Variants in DPCD observed in about 807,000 individuals in gnomAD.
The protein encoded by DPCD is deleted in primary ciliary dyskinesia homolog (mouse).
Under a neutral mutation model 26.4 loss-of-function variants are expected in DPCD, and 20 were observed. That is an observed-to-expected ratio of 0.76 (90% CI 0.53 to 1.10). The LOEUF is 1.10. Ranked by LOEUF, DPCD falls within the 50% of genes least tolerant of loss-of-function variation. The pLI, the probability that DPCD is intolerant of heterozygous loss-of-function variation, is 0.00. For synonymous variants in DPCD, 97 were observed against 94.2 expected (o/e 1.03, Z -0.17); for missense variants, 202 against 253.9 (o/e 0.80, Z 1.39).
chr10:101,592,199 C>A (rs963037128), intron 1 of DPCD, among the ~76,000 whole-genome samples: 3 of 152,026 alleles, frequency 2.0e-5, no homozygotes, highest in African/African-American at 7.3e-5. Flanking sequence ...GCAGTAACCA[C>A]AAAGAAAGAA....
rs1009333775 is a variant in DPCD, at chr10:101,609,524, G to T, written c.*53G>T. ...ACAGGGGGTGCCGTGAGACTTCAAG[G>T]CTTGGCCCTTCTTGACCACGGCAGC... On this transcript the variant is annotated 3_prime_UTR_variant, in exon 6 of 6. Transcript: ENST00000370151. 2 of 1,554,676 alleles carry T rather than the reference G, an allele frequency of 1.3e-6. No homozygotes were observed. Among genetic ancestry groups the T allele is most frequent in the Non-Finnish European group, 1.8e-6 (2 of 1,135,154 alleles).
chr10:101,605,101 C>T (rs2063724426), intron 4 of DPCD: 1 of 1,550,322 alleles, frequency 6.5e-7, no homozygotes, highest in East Asian at 2.4e-5. Flanking sequence ...TGCCCAGAGC[C>T]TTGATGTTTA....
At chr10:101,605,543 C>T (rs1048965324) in intron 4 of DPCD, among the ~76,000 whole-genome samples, 7 of 152,132 alleles carry the variant, frequency 4.6e-5, no homozygotes, top group Non-Finnish European at 7.3e-5. Context: ...GTGACCTGTC[C>T]GGGGTCACAA....
chr10:101,588,941 T>C (rs1238339954), intron 1 of DPCD, among the ~76,000 whole-genome samples: 1 of 152,250 alleles, frequency 6.6e-6, no homozygotes, highest in Non-Finnish European at 1.5e-5. Context: ...AACTTCTAAA[T>C]ATTTTCTGTG....
intron 1 of DPCD, among the ~76,000 whole-genome samples, chr10:101,591,791 C>G (rs2063610761): frequency 6.6e-6 from 1 of 152,064 alleles, no homozygotes; most frequent in African/African-American, 2.4e-5. Flanking sequence ...AAGCGATTCT[C>G]CTATCTCAGT....
intron 2 of DPCD, 115 bp downstream of exon 2, chr10:101,594,853 G>A: frequency 1.0e-6 from 1 of 973,802 alleles, no homozygotes; most frequent in Non-Finnish European, 1.6e-6. Flanking sequence ...GTAGAGGCTG[G>A]GAGAGACGGA....
intron 1 of DPCD, among the ~76,000 whole-genome samples, chr10:101,592,998 GCGAGACT>G (rs1044365533): frequency 9.6e-6 from 1 of 104,494 alleles, no homozygotes; most frequent in Middle Eastern, 5.2e-3. Context: ...TGGCGACAGA[GCGAGACT>G]CTGTCAAAAA....
chr10:101,606,891 C>T (rs1026441796), intron 4 of DPCD, among the ~76,000 whole-genome samples: 5 of 152,134 alleles, frequency 3.3e-5, no homozygotes, highest in Non-Finnish European at 7.3e-5. Flanking sequence ...TTGAGCCTAT[C>T]GGGAGCTTCT....
At chr10:101,604,841 G>A (rs757946116) in intron 4 of DPCD, among the ~76,000 whole-genome samples, 6 of 152,204 alleles carry the variant, frequency 3.9e-5, no homozygotes, top group Non-Finnish European at 7.3e-5. Flanking sequence ...ACAACGGCTG[G>A]CCTGAAGCAG....
At position 101,589,365 on chromosome 10, in the gene DPCD, A is replaced by G. The variant is rs545618040; in HGVS notation, c.64+965A>G. On this transcript the variant is annotated intron_variant, in intron 1 of 5. Coordinates refer to ENST00000370151, the MANE Select transcript of DPCD (RefSeq NM_015448.3). ...CGTTAAATAGAGGTTGTAGTCTTGT[A>G]TAAAATGGTAGGAAAGAGTGAAGGT... is the stretch of plus-strand genomic sequence containing the variant. Among the ~76,000 whole-genome samples, 309 of 152,366 alleles carry G rather than the reference A, an allele frequency of 2.0e-3. 3 individuals carry two copies. Among genetic ancestry groups the G allele is most frequent in the African/African-American group, 6.9e-3 (285 of 41,596 alleles).
chr10:101,588,668 C>G (rs952454264), intron 1 of DPCD: 6 of 1,272,664 alleles, frequency 4.7e-6, no homozygotes, highest in Non-Finnish European at 6.0e-6. Flanking sequence ...CATTCATTAT[C>G]TCATTTGCTC....
intron 1 of DPCD, among the ~76,000 whole-genome samples, chr10:101,589,891 C>CA (rs1455080474): frequency 1.3e-5 from 2 of 151,490 alleles, no homozygotes; most frequent in Non-Finnish European, 2.9e-5. Context: ...GTGTCTCAGA[C>CA]AAAAAAATAA....
chr10:101,599,514 C>T (rs1477411154), intron 2 of DPCD, among the ~76,000 whole-genome samples: 1 of 152,252 alleles, frequency 6.6e-6, no homozygotes, highest in Non-Finnish European at 1.5e-5. Flanking sequence ...CAGAATGCAG[C>T]AGACCTTATA....
At chr10:101,593,548 T>G (rs980168663) in intron 1 of DPCD, among the ~76,000 whole-genome samples, 1 of 152,126 alleles carries the variant, frequency 6.6e-6, no homozygotes, top group African/African-American at 2.4e-5. Context: ...AAGCAAATGC[T>G]CCAGGGGTAG....
At chr10:101,597,424 G>A (rs2063661496) in intron 2 of DPCD, among the ~76,000 whole-genome samples, 1 of 152,202 alleles carries the variant, frequency 6.6e-6, no homozygotes, top group South Asian at 2.1e-4. Flanking sequence ...AACATTTAGG[G>A]AAGGGGAATG....
rs188486975 is a variant in DPCD at position 101,609,584 on chromosome 10, G to C, written c.*113G>C. On this transcript the variant is annotated 3_prime_UTR_variant, in exon 6 of 6. Transcript: ENST00000370151. ...TCTAGGAGCTATCAAGGGTCTCTAA[G>C]AACTGGGCATGGGGCACTCCTAGCC... 802 of 883,224 alleles carry C rather than the reference G, an allele frequency of 9.1e-4. 2 individuals carry two copies. Among genetic ancestry groups the C allele is most frequent in the Non-Finnish European group, 9.8e-4 (558 of 568,066 alleles). The allele number at this position is 883,224 out of a possible 1,614,324, so 54.7% of individuals were successfully genotyped here.
At chr10:101,594,624 C>T in intron 1 of DPCD, 34 bp from the exon 2 acceptor site, 1 of 1,608,030 alleles carries the variant, frequency 6.2e-7, no homozygotes, top group Non-Finnish European at 8.5e-7. Flanking sequence ...CAAGGGGAGA[C>T]TTTGAGGTAA....
intron 1 of DPCD, among the ~76,000 whole-genome samples, chr10:101,589,650 G>A (rs1324898813): frequency 6.6e-6 from 1 of 152,174 alleles, no homozygotes; most frequent in East Asian, 1.9e-4. Flanking sequence ...GAGGCCGAGT[G>A]GGCGGATCCC....
chr10:101,598,611 C>CTT (rs71016333), intron 2 of DPCD, among the ~76,000 whole-genome samples: 1,240 of 74,994 alleles, frequency 0.017, 220 homozygotes, highest in Middle Eastern at 0.023. Flanking sequence ...TAGATGCTTT[C>CTT]TTTTTTTTTT....
Sources: gnomAD v4.1 joint callset for allele counts (sites outside exome capture counted in the v4.1 genomes callset) on GRCh38, gnomAD v4.1.1 for gene constraint, MANE v1.5 for transcripts, NCBI Gene and HGNC (gene_info 2026-07-23, HGNC 2026-07-21) for gene names.